The following TPST1 variants were observed in gnomAD, a reference collection of about 807,000 sequenced individuals.
TPST1 encodes the protein tyrosylprotein sulfotransferase 1.
In TPST1, 20 loss-of-function variants were observed where a neutral mutation model predicts 34.8. The ratio of observed to expected loss-of-function variants is 0.57; its 90% confidence interval spans 0.40 to 0.84. The LOEUF (loss-of-function observed/expected upper bound fraction) is 0.84, where lower values mean the gene tolerates loss of function less well. Among genes scored for constraint, TPST1 ranks in the 40% least tolerant of loss-of-function variants. The pLI is 0.00. For missense variants in TPST1, 353 were observed against 455.5 expected (o/e 0.78, Z 2.05); for synonymous variants, 152 against 159.4 (o/e 0.95, Z 0.35).
Position 66,302,552 on chromosome 7 carries a change from C to T in TPST1, c.1044+15843C>T, listed in dbSNP as rs532688880. ...TCTTTCAGATTCTAATTAATCATAC[C>T]AGTCCACAGTCTCACTAAAAGTTTG... On this transcript the variant is annotated intron_variant, in intron 3 of 5. Coordinates refer to ENST00000304842, the MANE Select transcript of TPST1 (RefSeq NM_003596.4). Among the ~76,000 whole-genome samples the T allele has an allele frequency of 5.9e-5, 9 of 152,260 alleles. No individual in the cohort carries two copies. In the East Asian group the frequency reaches 1.7e-3, roughly 29 times the overall value.
At chr7:66,228,419 A>C (rs888593115) in intron 1 of TPST1, among the ~76,000 whole-genome samples, 3 of 152,226 alleles carry the variant, frequency 2.0e-5, no homozygotes, top group Non-Finnish European at 4.4e-5. Flanking sequence ...TGGCAAGTTA[A>C]GTGTAATTTA....
intron 2 of TPST1, among the ~76,000 whole-genome samples, chr7:66,274,343 G>A (rs896433882): frequency 2.6e-5 from 4 of 151,436 alleles, no homozygotes; most frequent in African/African-American, 4.8e-5. Context: ...CTCCAGCCTG[G>A]GCGACAGAGT....
At chr7:66,245,806 T>C (rs1246367421) in intron 2 of TPST1, among the ~76,000 whole-genome samples, 2 of 152,148 alleles carry the variant, frequency 1.3e-5, no homozygotes, top group African/African-American at 4.8e-5. Context: ...GCATGGAAAA[T>C]TAACAGCAGG....
chr7:66,328,906 A>ATATTT lies in TPST1; in HGVS notation c.1045-23598_1045-23597insATTTT, dbSNP rs1299138303. On this transcript the variant is annotated intron_variant, in intron 3 of 5. Coordinates refer to ENST00000304842, the MANE Select transcript of TPST1 (RefSeq NM_003596.4). ...TCTCTCTATATATATATATATATAT[A>ATATTT]TTTTTTTTTTTTTTTTTTTTTTTGA... is the stretch of plus-strand genomic sequence containing the variant. Among the ~76,000 whole-genome samples, 43 of 13,162 alleles carry ATATTT rather than the reference A, an allele frequency of 3.3e-3. 3 individuals carry two copies. The highest frequency in any genetic ancestry group is 4.3e-3 in the Non-Finnish European group (37 of 8,592). The allele number at this position is 13,162 out of a possible 152,430, so 8.6% of individuals were successfully genotyped here.
At chr7:66,334,208 C>T (rs1205067067) in intron 3 of TPST1, among the ~76,000 whole-genome samples, 2 of 152,132 alleles carry the variant, frequency 1.3e-5, no homozygotes, top group African/African-American at 4.8e-5. Flanking sequence ...CCACCTCCCC[C>T]TCTGCAGAAG....
chr7:66,356,359 C>G (rs573720991), intron 4 of TPST1, among the ~76,000 whole-genome samples: 1 of 152,142 alleles, frequency 6.6e-6, no homozygotes. Flanking sequence ...GTTCACCAAC[C>G]GGGAAGTGCC....
intron 3 of TPST1, among the ~76,000 whole-genome samples, chr7:66,303,229 A>G (rs1791352886): frequency 6.6e-6 from 1 of 152,112 alleles, no homozygotes; most frequent in Non-Finnish European, 1.5e-5. Context: ...GTGTTGCTAT[A>G]GTCTTTGTTT....
intron 3 of TPST1, among the ~76,000 whole-genome samples, chr7:66,296,222 A>G (rs1791188735): frequency 6.8e-6 from 1 of 147,008 alleles, no homozygotes; most frequent in Non-Finnish European, 1.5e-5. Flanking sequence ...CAAAATACCC[A>G]CTGAAATTAA....
At chr7:66,305,153 A>G (rs1791396940) in intron 3 of TPST1, among the ~76,000 whole-genome samples, 1 of 152,180 alleles carries the variant, frequency 6.6e-6, no homozygotes, top group Admixed American at 6.5e-5. Flanking sequence ...GAGTATTATT[A>G]GACAGGGAAA....
chr7:66,322,296 C>T (rs1053728738), intron 3 of TPST1, among the ~76,000 whole-genome samples: 3 of 152,174 alleles, frequency 2.0e-5, no homozygotes, highest in Admixed American at 6.5e-5. Flanking sequence ...CTGTACATCT[C>T]AGTAGTGTTA....
intron 2 of TPST1, among the ~76,000 whole-genome samples, chr7:66,248,584 A>G (rs1045173698): frequency 6.7e-6 from 1 of 149,646 alleles, no homozygotes; most frequent in Non-Finnish European, 1.5e-5. Flanking sequence ...GCTCACTGCA[A>G]CCTCTGCCTC....
intron 3 of TPST1, among the ~76,000 whole-genome samples, chr7:66,311,078 T>G (rs550467285): frequency 5.0e-4 from 76 of 152,270 alleles, no homozygotes; most frequent in African/African-American, 1.7e-3. Flanking sequence ...TGGAGTTAAA[T>G]TCATTTCCTC....
chr7:66,200,986 C>T (rs1313189299), upstream of TPST1, among the ~76,000 whole-genome samples: 1 of 152,086 alleles, frequency 6.6e-6, no homozygotes, highest in African/African-American at 2.4e-5. Context: ...CCTCAGACTC[C>T]CAAAGTGCTG....
At chr7:66,345,787 G>A (rs962295957) in intron 3 of TPST1, among the ~76,000 whole-genome samples, 1 of 151,876 alleles carries the variant, frequency 6.6e-6, no homozygotes, top group Admixed American at 6.6e-5. Flanking sequence ...GGATGAATGA[G>A]GTATCTGTCA....
chr7:66,354,238 T>G (rs1406745956), intron 4 of TPST1, among the ~76,000 whole-genome samples: 1 of 152,138 alleles, frequency 6.6e-6, no homozygotes, highest in African/African-American at 2.4e-5. Flanking sequence ...CTGGGCAGAT[T>G]CATGAACAGA....
At chr7:66,306,744 C>T (rs1445321944) in intron 3 of TPST1, among the ~76,000 whole-genome samples, 2 of 152,130 alleles carry the variant, frequency 1.3e-5, no homozygotes, top group East Asian at 3.9e-4. Context: ...TGGAGTTTCA[C>T]TCTTGGTGCC....
At chr7:66,340,141 G>C (rs1373638862) in intron 3 of TPST1, among the ~76,000 whole-genome samples, 2 of 151,950 alleles carry the variant, frequency 1.3e-5, no homozygotes, top group African/African-American at 4.8e-5. Flanking sequence ...TTTGAGACCA[G>C]CCTGGCCCAC....
upstream of TPST1, among the ~76,000 whole-genome samples, chr7:66,201,575 C>T (rs933010136): frequency 2.6e-5 from 4 of 151,766 alleles, no homozygotes; most frequent in Non-Finnish European, 4.4e-5. Context: ...CCTGTAATCC[C>T]AGCTACTCGA....
intron 2 of TPST1, among the ~76,000 whole-genome samples, chr7:66,273,459 A>C (rs542882963): frequency 2.6e-4 from 39 of 152,340 alleles, no homozygotes; most frequent in Middle Eastern, 3.4e-3. Flanking sequence ...AAAAGCCCCA[A>C]ATAGTCAAAG....
Sources: allele counts gnomAD v4.1 joint callset (sites outside exome capture counted in the v4.1 genomes callset), GRCh38; gene constraint gnomAD v4.1.1; transcripts MANE v1.5; gene names NCBI Gene and HGNC (gene_info 2026-07-23, HGNC 2026-07-21).